The following BHLHE40 variants were observed in gnomAD, a reference collection of about 807,000 sequenced individuals.
BHLHE40 encodes the protein class E basic helix-loop-helix protein 40.
A neutral mutation model predicts 35.7 loss-of-function variants in BHLHE40; 3 were observed. That is an observed-to-expected ratio of 0.08 (90% CI 0.04 to 0.22). BHLHE40 has a LOEUF of 0.22. Ranked by LOEUF, BHLHE40 falls within the 10% of genes least tolerant of loss-of-function variation. The probability of loss-of-function intolerance (pLI) is 1.00; values close to 1 mark genes in which losing one functional copy is unlikely to be tolerated. For missense variants in BHLHE40, 486 were observed against 524.0 expected, an observed-to-expected ratio of 0.93 and a Z score of 0.71; for synonymous variants, 236 against 213.0, an observed-to-expected ratio of 1.11 and a Z score of -0.94.
chr3:4,979,977 C>T lies in BHLHE40; in HGVS notation c.96C>T (p.His32=), dbSNP rs759637869. The change falls in exon 2 of 5, where the codon CAC becomes CAT. Residue 32 remains histidine (H), a synonymous_variant. Transcript: ENST00000256495. ...CTTCCTGCAGGATGTACCCTGCCCA[C>T]ATGTACCAAGTGTACAAGTCAAGAC... ...HGDLPGMYPA[H]MYQVYKSRRG... The T allele has an allele frequency of 4.3e-6, 7 of 1,614,080 alleles. No homozygotes were observed. The highest frequency in any genetic ancestry group is 5.1e-6 in the Non-Finnish European group (6 of 1,180,034).
chr3:4,981,844 C>G (rs1220911710), intron 4 of BHLHE40, among the ~76,000 whole-genome samples: 1 of 152,204 alleles, frequency 6.6e-6, no homozygotes, highest in Admixed American at 6.5e-5. Context: ...AGTTGGTCTT[C>G]TTAGCCCTCT....
At chr3:4,980,131 G>T in intron 2 of BHLHE40, 100 bp downstream of exon 2, 3 of 1,331,074 alleles carry the variant, frequency 2.3e-6, no homozygotes, top group Non-Finnish European at 3.2e-6. Context: ...GGGGATGCAG[G>T]GTGTGGGCTC....
intron 4 of BHLHE40, among the ~76,000 whole-genome samples, chr3:4,982,539 T>C (rs1032526503): frequency 2.2e-4 from 33 of 152,128 alleles, no homozygotes; most frequent in Non-Finnish European, 4.6e-4. Flanking sequence ...ACCTATACAA[T>C]CCAAAAGAGG....
chr3:4,980,547 C>G, intron 3 of BHLHE40, 139 bp downstream of exon 3: 2 of 660,740 alleles, frequency 3.0e-6, no homozygotes, highest in Middle Eastern at 3.0e-4. Flanking sequence ...CGGTGGGGTC[C>G]TCCTCCACAG....
In BHLHE40 at chr3:4,983,844, G is replaced by GTGTGTGTGTA. The variant is rs1553562121; in HGVS notation, c.*161_*162insATGTGTGTGT. 1 of 1,024,592 alleles carries GTGTGTGTGTA rather than the reference G, an allele frequency of 9.8e-7. No homozygotes were observed. The highest frequency in any genetic ancestry group is 1.6e-5 in the African/African-American group (1 of 61,360). The allele number at this position is 1,024,592 out of a possible 1,614,324, so 63.5% of individuals were successfully genotyped here. A position where few individuals can be genotyped will look rare whatever the true frequency, so the allele number is the denominator to read the frequency against. ...GCAGATTCAGGGTGTGTGTGTGTGT[G>GTGTGTGTGTA]TGTGTGTGTGTATGTGCGTGTGCGT... On this transcript the variant is annotated 3_prime_UTR_variant, in exon 5 of 5. Coordinates refer to ENST00000256495, the MANE Select transcript of BHLHE40 (RefSeq NM_003670.3). The surrounding 1 kb of genome is among the most constrained non-coding windows in gnomAD (Gnocchi z 5.0).
chr3:4,979,751 C>A lies in BHLHE40; in HGVS notation c.33C>A (p.Pro11=). The A allele has an allele frequency of 1.9e-6, 3 of 1,579,802 alleles. No homozygotes were observed. The highest frequency in any genetic ancestry group is 1.7e-6 in the Non-Finnish European group (2 of 1,162,930). ...GGATCCCCAGCGCGCAACCACCCCC[C>A]GCCTGCCTGCCCAAAGCACCGGGAC... is the stretch of plus-strand genomic sequence containing the variant. MERIPSAQPP[P]ACLPKAPGLE... Residue 11 remains proline (P), a synonymous_variant, in exon 1 of 5, where the codon CCC becomes CCA. Transcript: ENST00000256495.
rs1481256033 is a variant in BHLHE40, at chr3:4,979,676, C to T, written c.-43C>T. 2 of 1,546,636 alleles carry T rather than the reference C, an allele frequency of 1.3e-6. No homozygotes were observed. Among genetic ancestry groups the T allele is most frequent in the African/African-American group, 1.4e-5 (1 of 72,926 alleles). ...GGGCAGTCCTCATCCAGACGCTCCG[C>T]TAGTGCAGACAGGAGCGCGCAGTGG... On this transcript the variant is annotated 5_prime_UTR_variant, in exon 1 of 5. Coordinates refer to ENST00000256495, the MANE Select transcript of BHLHE40 (RefSeq NM_003670.3).
Position 4,980,081 on chromosome 3 carries a change from TGA to T in BHLHE40, c.150+52_150+53del, listed in dbSNP as rs747432169. 3.1e-6 allele frequency: 5 copies of T among 1,596,582 alleles called. No homozygotes were observed. In the South Asian group the frequency reaches 4.4e-5, roughly 14 times the overall value. On this transcript the variant is annotated intron_variant, in intron 2 of 4. Coordinates refer to ENST00000256495, the MANE Select transcript of BHLHE40 (RefSeq NM_003670.3). Reference sequence around the variant, plus strand: ...CCTGCGCTCAGCCCCTCGCGCGCGCTGAGTTTCCAAGAAAAGTTTTCTCGCTT... The same window carrying T: ...CCTGCGCTCAGCCCCTCGCGCGCGCTGTTTCCAAGAAAAGTTTTCTCGCTT...
rs747080869 is a variant in BHLHE40, at chr3:4,981,388, C to A, written c.259-4C>A. ...ACCGCTGACTAAGGCTCTTTTCCTT[C>A]CAGACTTTGGGTCACTTGGAAAAAG... On this transcript the variant is annotated splice_polypyrimidine_tract_variant and splice_region_variant and intron_variant, in intron 3 of 4. Transcript: ENST00000256495. The A allele has an allele frequency of 4.3e-6, 7 of 1,613,528 alleles. No homozygotes were observed. The highest frequency in any genetic ancestry group is 5.1e-6 in the Non-Finnish European group (6 of 1,179,744).
Position 4,983,539 on chromosome 3 carries a change from C to T in BHLHE40, c.1086C>T (p.Leu362=). The T allele has an allele frequency of 6.2e-7, 1 of 1,614,218 alleles. No individual in the cohort carries two copies. The highest frequency in any genetic ancestry group is 1.1e-5 in the South Asian group (1 of 91,084). ...YPGLNASAAA[L]SSFMNPDKIS... is the part of the protein sequence containing the mutation. ...GCCTCAACGCCTCTGCCGCAGCCCT[C>T]TCTAGCTTCATGAACCCAGACAAGA... The change falls in exon 5 of 5, where the codon CTC becomes CTT. Residue 362 remains leucine (L), a synonymous_variant. Transcript: ENST00000256495. The surrounding 1 kb of genome is among the most constrained non-coding windows in gnomAD (Gnocchi z 5.0).
Position 4,983,300 on chromosome 3 carries a change from G to C in BHLHE40, c.847G>C (p.Glu283Gln), listed in dbSNP as rs753105254. ...ERIGAIKQES[E>Q]EPPTKKNRMQ... is the part of the protein sequence containing the mutation. ...GATCGGCGCAATTAAGCAAGAGTCC[G>C]AAGAACCCCCCACAAAAAAGAACCG... is the stretch of plus-strand genomic sequence containing the variant. The change falls in exon 5 of 5, where the codon GAA (glutamate) becomes CAA (glutamine). Residue 283 changes from glutamate (E) to glutamine (Q), a missense_variant. By Grantham distance (29) the Glu-to-Gln change is conservative (BLOSUM62 2). Transcript: ENST00000256495. The surrounding 1 kb of genome is among the most constrained non-coding windows in gnomAD (Gnocchi z 5.0). 10 of 1,614,170 alleles carry C rather than the reference G, an allele frequency of 6.2e-6. No individual in the cohort carries two copies. Among genetic ancestry groups the C allele is most frequent in the Non-Finnish European group, 8.5e-6 (10 of 1,180,030 alleles).
At position 4,983,931 on chromosome 3, in the gene BHLHE40, C is replaced by T. The variant is rs1182621135; in HGVS notation, c.*239C>T. ...AGCTCCTTTTGGCATAGGGAAGTCA[C>T]GAAGGATTGCTTGACATCAGGAGAC... is the stretch of plus-strand genomic sequence containing the variant. On this transcript the variant is annotated 3_prime_UTR_variant, in exon 5 of 5. Transcript: ENST00000256495. The surrounding 1 kb of genome is among the most constrained non-coding windows in gnomAD (Gnocchi z 5.0). 26 of 525,288 alleles carry T rather than the reference C, an allele frequency of 4.9e-5. No homozygotes were observed. In the South Asian group the frequency reaches 7.4e-4, roughly 15 times the overall value. The allele number at this position is 525,288 out of a possible 1,614,324, so 32.5% of individuals were successfully genotyped here.
At chr3:4,982,440 C>T (rs60490049) in intron 4 of BHLHE40, among the ~76,000 whole-genome samples, 12,879 of 152,216 alleles carry the variant, frequency 0.085, 784 homozygotes, top group African/African-American at 0.17. Context: ...CATTTTGCCA[C>T]GGTGCAATGT....
In BHLHE40 at chr3:4,983,036, G is replaced by C. The variant is rs1195505025; in HGVS notation, c.583G>C (p.Ala195Pro). ...GGTSRKPSDPAPKVMDFKEKP... is the reference protein window; with the variant it reads ...GGTSRKPSDPPPKVMDFKEKP... Reference sequence around the variant, plus strand: ...TACCTCCAGGAAGCCATCAGACCCAGCTCCCAAAGTGATGGACTTCAAGGA... The same window carrying C: ...TACCTCCAGGAAGCCATCAGACCCACCTCCCAAAGTGATGGACTTCAAGGA... Residue 195 changes from alanine to proline, a missense_variant, in exon 5 of 5, where the codon GCT becomes CCT. Physicochemically the swap from Ala to Pro is conservative, Grantham distance 27. Around this residue, in one of 5 missense-constraint regions of BHLHE40, gnomAD observed 176 missense variants for 180.5 expected, o/e 0.98. Coordinates refer to ENST00000256495, the MANE Select transcript of BHLHE40 (RefSeq NM_003670.3). This position sits in a 1 kb window ranked among gnomAD's most constrained non-coding sequence, Gnocchi z 5.0. 7 of 1,614,092 alleles carry C rather than the reference G, an allele frequency of 4.3e-6. No homozygotes were observed. The highest frequency in any genetic ancestry group is 5.9e-6 in the Non-Finnish European group (7 of 1,179,980).
At chr3:4,982,211 C>T (rs143424953) in intron 4 of BHLHE40, among the ~76,000 whole-genome samples, 1 of 152,328 alleles carries the variant, frequency 6.6e-6, no homozygotes, top group Non-Finnish European at 1.5e-5. Flanking sequence ...TGCAAAAACC[C>T]AGCTAGTGCT....
At position 4,979,541 on chromosome 3, in the gene BHLHE40, G is replaced by A. The variant is rs758946514; in HGVS notation, c.-178G>A. On this transcript the variant is annotated 5_prime_UTR_variant, in exon 1 of 5. Coordinates refer to ENST00000256495, the MANE Select transcript of BHLHE40 (RefSeq NM_003670.3). The stretch of plus-strand genomic sequence containing the variant: ...GCCGCGGGGACACCGGGCCATGCAC[G>A]CCCCCAACTGAAGCTGCATCTCAAA... 1.7e-5 allele frequency: 11 copies of A among 660,908 alleles called. No homozygotes were observed. The highest frequency in any genetic ancestry group is 2.8e-5 in the Non-Finnish European group (11 of 390,862). The allele number at this position is 660,908 out of a possible 1,614,324, so 40.9% of individuals were successfully genotyped here. A position where few individuals can be genotyped will look rare whatever the true frequency, so the allele number is the denominator to read the frequency against.
chr3:4,979,470 G>T lies in BHLHE40; in HGVS notation c.-249G>T. Reference sequence around the variant, plus strand: ...GGCTCGCACGGCGCAGACAGACCGCGCAGGGAGCACACACCGCCAGTCTGT... The same window carrying T: ...GGCTCGCACGGCGCAGACAGACCGCTCAGGGAGCACACACCGCCAGTCTGT... On this transcript the variant is annotated 5_prime_UTR_variant, in exon 1 of 5. Transcript: ENST00000256495. 1 of 394,424 alleles carries T rather than the reference G, an allele frequency of 2.5e-6. No homozygotes were observed. The highest frequency in any genetic ancestry group is 4.7e-6 in the Non-Finnish European group (1 of 212,164). 24.4% of individuals were successfully genotyped at this position (394,424 alleles called of 1,614,324 possible). A position where few individuals can be genotyped will look rare whatever the true frequency, so the allele number is the denominator to read the frequency against.
At chr3:4,980,532 C>T in intron 3 of BHLHE40, 124 bp downstream of exon 3, 2 of 770,754 alleles carry the variant, frequency 2.6e-6, no homozygotes, top group East Asian at 2.8e-5. Context: ...TGGCGGGTGG[C>T]TCTGCGGTGG....
rs1326812672 is a variant in BHLHE40 at position 4,982,960 on chromosome 3, G to A, written c.507G>A (p.Ser169=). 4 of 1,613,514 alleles carry A rather than the reference G, an allele frequency of 2.5e-6. No individual in the cohort carries two copies. The highest frequency in any genetic ancestry group is 4.5e-5 in the East Asian group (2 of 44,864). The change falls in exon 5 of 5, where the codon TCG becomes TCA. Residue 169 remains serine, a synonymous_variant. Coordinates refer to ENST00000256495, the MANE Select transcript of BHLHE40 (RefSeq NM_003670.3). ...KHENTRDLKS[S]QLVTHLHRVV... ...AGAACACTCGGGACCTGAAGTCTTC[G>A]CAGCTTGTCACCCACCTCCACCGGG...
Sources: gnomAD v4.1 joint callset for allele counts (sites outside exome capture counted in the v4.1 genomes callset) on GRCh38, gnomAD v4.1.1 for gene constraint, gnomAD v4.1.1 regional missense constraint, Gnocchi (gnomAD v3.1) non-coding constraint, MANE v1.5 for transcripts, NCBI Gene and HGNC (gene_info 2026-07-23, HGNC 2026-07-21) for gene names.